TAB2: variants seen among roughly 807,000 people sequenced by gnomAD.
TAB2 encodes TGF-beta activated kinase 1 (MAP3K7) binding protein 2, also known as TGF-beta-activated kinase 1 and MAP3K7-binding protein 2.
In TAB2, 3 loss-of-function variants were observed where a neutral mutation model predicts 65.0. The ratio of observed to expected loss-of-function variants is 0.05; its 90% CI spans 0.02 to 0.12. The LOEUF (loss-of-function observed/expected upper bound fraction) is 0.12, where lower values mean the gene tolerates loss of function less well. TAB2 is among the 10% of genes least tolerant of loss of function. The pLI is 1.00. For missense variants in TAB2, 623 were observed against 840.3 expected (o/e 0.74, Z 3.20); for synonymous variants, 298 against 285.1 (o/e 1.05, Z -0.46).
At chr6:149,256,836 C>G (rs1441619586) in intron 1 of TAB2, among the ~76,000 whole-genome samples, 2 of 152,172 alleles carry the variant, frequency 1.3e-5, no homozygotes, top group African/African-American at 4.8e-5. Flanking sequence ...CTACATGCTA[C>G]TGAAGGATTT....
In TAB2 at chr6:149,237,061, G is replaced by T. The variant is rs575401211; in HGVS notation, c.-121+18285G>T. On this transcript the variant is annotated intron_variant, in intron 1 of 1. Coordinates refer to the TAB2 transcript ENST00000606202. ...TATTTGCATGGCGATCCCCTCCGTG[G>T]ATCGTGTTAGGCACTGTGAAGTGTT... Among the ~76,000 whole-genome samples the T allele has an allele frequency of 2.6e-5, 4 of 152,256 alleles. No individual in the cohort carries two copies. In the South Asian group the frequency reaches 8.3e-4, roughly 32 times the overall value.
chr6:149,327,286 TACTG>T (rs1287945520), intron 1 of TAB2, among the ~76,000 whole-genome samples: 1 of 152,226 alleles, frequency 6.6e-6, no homozygotes, highest in African/African-American at 2.4e-5. Flanking sequence ...TCCATTTAAT[TACTG>T]AGCACAAATT....
intron 1 of TAB2, among the ~76,000 whole-genome samples, chr6:149,235,479 G>C (rs1410256978): frequency 6.6e-6 from 1 of 152,218 alleles, no homozygotes; most frequent in Non-Finnish European, 1.5e-5. Flanking sequence ...CTAGGATCAG[G>C]AGGGTGAAGT....
chr6:149,233,533 GT>G (rs1039351178), intron 1 of TAB2, among the ~76,000 whole-genome samples: 10 of 152,144 alleles, frequency 6.6e-5, no homozygotes, highest in African/African-American at 2.4e-4. Context: ...GCCAGAAGTG[GT>G]TTTTTATCCC....
chr6:149,405,528 C>G (rs1279049601), intron 6 of TAB2, among the ~76,000 whole-genome samples: 2 of 151,928 alleles, frequency 1.3e-5, no homozygotes, highest in South Asian at 2.1e-4. Context: ...ATAAAGAAAA[C>G]GTGAGAGATA....
At chr6:149,400,198 C>G (rs983782602) in intron 6 of TAB2, 2 of 596,600 alleles carry the variant, frequency 3.4e-6, no homozygotes, top group African/African-American at 3.7e-5. Context: ...GATCTGGCAG[C>G]AGCCAATGGG....
intron 1 of TAB2, among the ~76,000 whole-genome samples, chr6:149,308,276 C>CAAACAG (rs780235317): frequency 1.3e-5 from 2 of 152,092 alleles, no homozygotes; most frequent in Non-Finnish European, 2.9e-5. Flanking sequence ...TACATGTTGT[C>CAAACAG]AAACAGCCTT....
At chr6:149,387,691 CT>C (rs1781849258) in intron 3 of TAB2, among the ~76,000 whole-genome samples, 1 of 152,074 alleles carries the variant, frequency 6.6e-6, no homozygotes, top group African/African-American at 2.4e-5. Flanking sequence ...TACATACTTG[CT>C]TTTTTAAAAA....
chr6:149,239,414 A>C (rs1282147033), intron 1 of TAB2, among the ~76,000 whole-genome samples: 1 of 152,202 alleles, frequency 6.6e-6, no homozygotes. Flanking sequence ...CAGCCACAAC[A>C]TCACTGTCAA....
intron 2 of TAB2, 41 bp from the exon 3 acceptor site, chr6:149,377,977 T>C: frequency 6.6e-7 from 1 of 1,512,772 alleles, no homozygotes; most frequent in Non-Finnish European, 9.2e-7. Context: ...AAGCATTCGC[T>C]TCTGATTGTT....
intron 1 of TAB2, among the ~76,000 whole-genome samples, chr6:149,307,491 G>A (rs1779091254): frequency 6.6e-6 from 1 of 152,130 alleles, no homozygotes; most frequent in South Asian, 2.1e-4. Context: ...ATGCTGCTCA[G>A]ATTTTTTTGT....
chr6:149,253,988 AAG>A (rs1178043588), intron 1 of TAB2, among the ~76,000 whole-genome samples: 1 of 148,734 alleles, frequency 6.7e-6, no homozygotes, highest in Non-Finnish European at 1.5e-5. Context: ...GAAAGAAAGA[AAG>A]AAAGAAAGAA....
intron 1 of TAB2, among the ~76,000 whole-genome samples, chr6:149,281,356 G>T (rs1439459972): frequency 6.6e-6 from 1 of 151,844 alleles, no homozygotes; most frequent in African/African-American, 2.4e-5. Flanking sequence ...AAACTCTAAA[G>T]CAACCACTAT....
chr6:149,326,426 T>C (rs1441849954), intron 1 of TAB2, among the ~76,000 whole-genome samples: 5 of 152,220 alleles, frequency 3.3e-5, no homozygotes, highest in African/African-American at 1.2e-4. Context: ...TTATGCAATC[T>C]GTAAAATAAA....
chr6:149,404,446 A>G (rs630642), intron 6 of TAB2, among the ~76,000 whole-genome samples: 18,603 of 152,244 alleles, frequency 0.12, 1,739 homozygotes, highest in East Asian at 0.51. Flanking sequence ...ATCTAAAATT[A>G]TATGGAACCA....
intron 1 of TAB2, among the ~76,000 whole-genome samples, chr6:149,248,529 C>T (rs923563106): frequency 1.4e-4 from 21 of 152,106 alleles, no homozygotes; most frequent in Non-Finnish European, 2.8e-4. Flanking sequence ...GCATTCTACA[C>T]ATTTAGAGTT....
In TAB2 at chr6:149,378,202, G is replaced by A. The variant is rs1781470267; in HGVS notation, c.287G>A (p.Arg96Lys). The change falls in exon 3 of 7, where the codon AGG (arginine) becomes AAG (lysine). Residue 96 changes from arginine to lysine, a missense_variant. Physicochemically the swap from Arg to Lys is conservative, Grantham distance 26. Transcript: ENST00000637181. ...NIYHHGREGS[R>K]MNGSRTLTHS... is the part of the protein sequence containing the mutation. ...TACCACCATGGAAGAGAAGGAAGTAGGATGAATGGAAGTAGGACTCTAACG... is the reference window on the plus strand; with the variant it reads ...TACCACCATGGAAGAGAAGGAAGTAAGATGAATGGAAGTAGGACTCTAACG... 3.7e-6 allele frequency: 6 copies of A among 1,614,182 alleles called. No homozygotes were observed. The highest frequency in any genetic ancestry group is 5.1e-6 in the Non-Finnish European group (6 of 1,180,032).
At chr6:149,273,566 G>A (rs1180081391) in intron 1 of TAB2, among the ~76,000 whole-genome samples, 2 of 152,202 alleles carry the variant, frequency 1.3e-5, no homozygotes, top group Admixed American at 1.3e-4. Flanking sequence ...TTCCAAAAAG[G>A]GAACTGTGCA....
chr6:149,391,891 C>A (rs1781999509), intron 3 of TAB2, among the ~76,000 whole-genome samples: 1 of 151,968 alleles, frequency 6.6e-6, no homozygotes, highest in Admixed American at 6.6e-5. Flanking sequence ...AAATTTTTTT[C>A]CGACTCACAT....
Sources: gnomAD v4.1 joint callset for allele counts (sites outside exome capture counted in the v4.1 genomes callset) on GRCh38, gnomAD v4.1.1 for gene constraint, MANE v1.5 for transcripts, NCBI Gene and HGNC (gene_info 2026-07-23, HGNC 2026-07-21) for gene names.